The following DACH1 variants were observed in gnomAD, a reference collection of about 807,000 sequenced individuals.
DACH1 encodes the protein dachshund homolog 1.
A neutral mutation model predicts 54.2 loss-of-function variants in DACH1; 12 were observed. The ratio of observed to expected loss-of-function variants is 0.22; its 90% confidence interval spans 0.14 to 0.36. DACH1 has a LOEUF of 0.36. Ranked by LOEUF, DACH1 falls within the 10% of genes least tolerant of loss-of-function variation. The pLI is 1.00. For synonymous variants in DACH1, 386 were observed against 366.2 expected, an observed-to-expected ratio of 1.05 and a Z score of -0.62; for missense variants, 805 against 929.8, an observed-to-expected ratio of 0.87 and a Z score of 1.75.
intron 1 of DACH1, among the ~76,000 whole-genome samples, chr13:71,772,237 C>G (rs971963503): frequency 1.3e-5 from 2 of 151,574 alleles, no homozygotes; most frequent in Admixed American, 1.3e-4. Context: ...ATTAAACATA[C>G]TAAGGAATAG....
chr13:71,676,088 A>C (rs529688363), intron 2 of DACH1, among the ~76,000 whole-genome samples: 1 of 152,318 alleles, frequency 6.6e-6, no homozygotes, highest in Non-Finnish European at 1.5e-5. Flanking sequence ...TGTTATGTTT[A>C]ATTTATTAGT....
At chr13:71,644,978 G>GA (rs200440666) in intron 2 of DACH1, among the ~76,000 whole-genome samples, 57 of 149,084 alleles carry the variant, frequency 3.8e-4, no homozygotes, top group African/African-American at 7.1e-4. Context: ...ATCATGAATG[G>GA]AAAAAAAAAA....
intron 1 of DACH1, among the ~76,000 whole-genome samples, chr13:71,749,087 C>T (rs756191029): frequency 3.3e-5 from 5 of 151,654 alleles, no homozygotes; most frequent in Non-Finnish European, 5.9e-5. Context: ...TGGGTTCAAG[C>T]GATTCTTGGG....
chr13:71,594,005 TA>T (rs1873913069), intron 3 of DACH1, among the ~76,000 whole-genome samples: 1 of 151,422 alleles, frequency 6.6e-6, no homozygotes, highest in Non-Finnish European at 1.5e-5. Flanking sequence ...TTGACCATTT[TA>T]AAAACTAGTT....
At chr13:71,718,424 A>G (rs1215393609) in intron 1 of DACH1, among the ~76,000 whole-genome samples, 1 of 151,890 alleles carries the variant, frequency 6.6e-6, no homozygotes, top group Non-Finnish European at 1.5e-5. Flanking sequence ...ATTTCCACTA[A>G]AAATTAAAAC....
chr13:71,617,995 G>T (rs1008854923), intron 3 of DACH1, among the ~76,000 whole-genome samples: 1 of 152,028 alleles, frequency 6.6e-6, no homozygotes, highest in African/African-American at 2.4e-5. Flanking sequence ...CATTTTAGCT[G>T]GCTGTGGAAG....
intron 1 of DACH1, among the ~76,000 whole-genome samples, chr13:71,793,623 T>C (rs1455720963): frequency 3.3e-5 from 5 of 152,108 alleles, no homozygotes; most frequent in Non-Finnish European, 7.4e-5. Context: ...CTCCACTTCC[T>C]GGCTGCAAGC....
intron 3 of DACH1, among the ~76,000 whole-genome samples, chr13:71,599,091 TAA>T (rs1289520027): frequency 1.3e-5 from 2 of 152,080 alleles, no homozygotes; most frequent in African/African-American, 4.8e-5. Flanking sequence ...AAACTAAAGA[TAA>T]AATAAGTCAA....
chr13:71,722,673 T>C (rs988737465), intron 1 of DACH1, among the ~76,000 whole-genome samples: 2 of 152,214 alleles, frequency 1.3e-5, no homozygotes, highest in African/African-American at 4.8e-5. Flanking sequence ...GTTGATAAAG[T>C]ACTGAAAAGC....
At chr13:71,729,510 T>C (rs1383665428) in intron 1 of DACH1, among the ~76,000 whole-genome samples, 1 of 152,058 alleles carries the variant, frequency 6.6e-6, no homozygotes, top group African/African-American at 2.4e-5. Flanking sequence ...TCAGGATTGA[T>C]ATCCATAAAA....
chr13:71,717,893 T>TAA (rs139447139), intron 1 of DACH1, among the ~76,000 whole-genome samples: 1 of 148,106 alleles, frequency 6.8e-6, no homozygotes, highest in African/African-American at 2.5e-5. Flanking sequence ...ACTTTTAAAT[T>TAA]AAAAAAAAAA....
At chr13:71,741,792 C>T (rs1391392665) in intron 1 of DACH1, among the ~76,000 whole-genome samples, 1 of 151,956 alleles carries the variant, frequency 6.6e-6, no homozygotes, top group African/African-American at 2.4e-5. Context: ...TATTCTGGCA[C>T]ATAAGGACAA....
At chr13:71,457,117 T>C (rs985482804) in intron 10 of DACH1, among the ~76,000 whole-genome samples, 1 of 152,046 alleles carries the variant, frequency 6.6e-6, no homozygotes, top group African/African-American at 2.4e-5. Context: ...AAAATAAGAA[T>C]GCATTATACT....
At chr13:71,636,950 A>C (rs1323387297) in intron 2 of DACH1, among the ~76,000 whole-genome samples, 2 of 152,184 alleles carry the variant, frequency 1.3e-5, no homozygotes, top group Non-Finnish European at 2.9e-5. Context: ...GCTATTGTTA[A>C]AAATTTTTAC....
At chr13:71,499,218 G>T (rs1320868863) in intron 6 of DACH1, among the ~76,000 whole-genome samples, 1 of 129,610 alleles carries the variant, frequency 7.7e-6, no homozygotes, top group Non-Finnish European at 1.7e-5. Flanking sequence ...AGTCATCAGT[G>T]TTTATGCAAG....
chr13:71,767,729 G>A (rs1885698534), intron 1 of DACH1, among the ~76,000 whole-genome samples: 1 of 152,016 alleles, frequency 6.6e-6, no homozygotes, highest in Non-Finnish European at 1.5e-5. Context: ...AGAGATGAAG[G>A]TATGAAATGT....
intron 1 of DACH1, among the ~76,000 whole-genome samples, chr13:71,811,835 T>C (rs779083481): frequency 5.1e-4 from 78 of 152,228 alleles, no homozygotes; most frequent in Admixed American, 1.5e-3. Flanking sequence ...TAAGAATATA[T>C]TGGGAAACTG....
chr13:71,772,219 A>T (rs551989480), intron 1 of DACH1, among the ~76,000 whole-genome samples: 62 of 151,800 alleles, frequency 4.1e-4, no homozygotes, highest in African/African-American at 1.3e-3. Context: ...AGTAATTAAC[A>T]TTCCTTAATT....
At chr13:71,710,488 G>A (rs946103815) in intron 1 of DACH1, among the ~76,000 whole-genome samples, 1 of 143,522 alleles carries the variant, frequency 7.0e-6, no homozygotes, top group African/African-American at 2.7e-5. Context: ...GTGTGTGTGT[G>A]TGTGTTTATG....
Sources: gnomAD v4.1 joint callset for allele counts (sites outside exome capture counted in the v4.1 genomes callset) on GRCh38, gnomAD v4.1.1 for gene constraint, MANE v1.5 for transcripts, NCBI Gene and HGNC (gene_info 2026-07-23, HGNC 2026-07-21) for gene names.